The following HDAC9 variants were observed in gnomAD, a reference collection of about 807,000 sequenced individuals.
The protein encoded by HDAC9 is MEF-2 interacting transcription repressor (MITR) protein.
Under a neutral mutation model 139.4 loss-of-function variants are expected in HDAC9, and 41 were observed. The ratio of observed to expected loss-of-function variants is 0.29; its 90% CI spans 0.23 to 0.38. The LOEUF (loss-of-function observed/expected upper bound fraction) is 0.38, where lower values mean the gene tolerates loss of function less well. HDAC9 is among the 10% of genes least tolerant of loss of function. The pLI, the probability that HDAC9 is intolerant of heterozygous loss-of-function variation, is 1.00. For missense variants in HDAC9, 1,147 were observed against 1,297.0 expected, an observed-to-expected ratio of 0.88 and a Z score of 1.78; for synonymous variants, 517 against 476.2, an observed-to-expected ratio of 1.09 and a Z score of -1.12.
In HDAC9 at chr7:18,294,361, C is replaced by G. The variant is rs986428851; in HGVS notation, c.-42+3846C>G. Among the ~76,000 whole-genome samples the G allele has an allele frequency of 6.6e-5, 10 of 151,966 alleles. 1 individual carries two copies. Among genetic ancestry groups the G allele is most frequent in the African/African-American group, 2.2e-4 (9 of 41,362 alleles). ...TCTTCACCTGTAAAATGATACTGAG[C>G]TGCTAGGGGTGTTGTATTAATTTAA... On this transcript the variant is annotated intron_variant, in intron 1 of 3. Coordinates refer to the HDAC9 transcript ENST00000413509.
intron 12 of HDAC9, among the ~76,000 whole-genome samples, chr7:18,677,449 C>A (rs1298387052): frequency 6.6e-6 from 1 of 151,794 alleles, no homozygotes; most frequent in African/African-American, 2.4e-5. Flanking sequence ...CCATGAATAT[C>A]TTAAACAAGT....
At position 18,749,017 on chromosome 7, in the gene HDAC9, A is replaced by G; in HGVS notation, c.1922A>G (p.Asp641Gly). 3 of 1,613,408 alleles carry G rather than the reference A, an allele frequency of 1.9e-6. No homozygotes were observed. The highest frequency in any genetic ancestry group is 2.5e-6 in the Non-Finnish European group (3 of 1,179,636). The change falls in exon 14 of 26, where the codon GAC becomes GGC. Residue 641 changes from aspartate to glycine, a missense_variant. By Grantham distance (94) the Asp-to-Gly change is moderately conservative (BLOSUM62 -1). Coordinates refer to ENST00000686413, the MANE Select transcript of HDAC9 (RefSeq NM_178425.4). The part of the protein sequence containing the change: ...QPGSATGIAY[D>G]PLMLKHQCVC... ...CCTTGTCTTAAAGGAATTGCCTATG[A>G]CCCCTTGATGCTGAAACACCAGTGC...
At chr7:18,618,334 GA>G (rs1839240787) in intron 6 of HDAC9, among the ~76,000 whole-genome samples, 1 of 152,068 alleles carries the variant, frequency 6.6e-6, no homozygotes, top group Non-Finnish European at 1.5e-5. Flanking sequence ...GTCAAGACTG[GA>G]AAACAACTCC....
intron 2 of HDAC9, among the ~76,000 whole-genome samples, chr7:18,539,758 C>T (rs570256794): frequency 4.6e-5 from 7 of 151,790 alleles, no homozygotes; most frequent in East Asian, 1.9e-4. Flanking sequence ...GGTTAGGGTA[C>T]GGGGAGCATA....
intron 1 of HDAC9, among the ~76,000 whole-genome samples, chr7:18,345,535 A>T: frequency 6.6e-6 from 1 of 151,662 alleles, no homozygotes; most frequent in Middle Eastern, 3.4e-3. Context: ...TTGTGTTCTC[A>T]TAAGACACTT....
chr7:18,952,818 T>TC (rs1486506807), intron 23 of HDAC9, among the ~76,000 whole-genome samples: 1 of 49,442 alleles, frequency 2.0e-5, no homozygotes, highest in Admixed American at 1.8e-4. Flanking sequence ...GGTGGTGATG[T>TC]TTTTTTTTTT....
At chr7:18,358,765 T>A (rs2128685672) in intron 1 of HDAC9, among the ~76,000 whole-genome samples, 1 of 152,358 alleles carries the variant, frequency 6.6e-6, no homozygotes, top group African/African-American at 2.4e-5. Context: ...ATTTGATTCC[T>A]GGCTTTACCA....
At chr7:18,262,780 A>G (rs567081748) in intron 2 of HDAC9, among the ~76,000 whole-genome samples, 4 of 152,294 alleles carry the variant, frequency 2.6e-5, no homozygotes, top group Non-Finnish European at 4.4e-5. Context: ...ATTGAAATTA[A>G]CTTGGTATTA....
intron 6 of HDAC9, among the ~76,000 whole-genome samples, chr7:18,598,510 G>A (rs1833067957): frequency 6.6e-6 from 1 of 152,014 alleles, no homozygotes; most frequent in Admixed American, 6.6e-5. Context: ...ACCTCTCTAG[G>A]CCACGATTCC....
At chr7:18,350,693 C>G (rs1378675676) in intron 1 of HDAC9, among the ~76,000 whole-genome samples, 1 of 152,138 alleles carries the variant, frequency 6.6e-6, no homozygotes, top group Non-Finnish European at 1.5e-5. Context: ...ATCCACTTTT[C>G]CCAGAAATAA....
chr7:18,093,609 A>T (rs950777471), intron 1 of HDAC9, among the ~76,000 whole-genome samples: 2 of 152,178 alleles, frequency 1.3e-5, no homozygotes, highest in African/African-American at 4.8e-5. Context: ...ATTTTGGTTA[A>T]AATCAAAAGC....
At chr7:18,271,951 T>G (rs568072179) in intron 2 of HDAC9, among the ~76,000 whole-genome samples, 2 of 152,286 alleles carry the variant, frequency 1.3e-5, no homozygotes, top group African/African-American at 4.8e-5. Context: ...TCCAACATCT[T>G]TGAGAGGAAA....
At chr7:18,481,892 GGTT>G (rs1182982960) in intron 1 of HDAC9, among the ~76,000 whole-genome samples, 1 of 152,116 alleles carries the variant, frequency 6.6e-6, no homozygotes, top group Non-Finnish European at 1.5e-5. Flanking sequence ...ACTTTTGTCT[GGTT>G]GTTACTTCCT....
At chr7:18,818,166 TA>T (rs1257998584) in intron 17 of HDAC9, among the ~76,000 whole-genome samples, 5 of 152,238 alleles carry the variant, frequency 3.3e-5, no homozygotes, top group Non-Finnish European at 7.3e-5. Flanking sequence ...TTGCTTTTGA[TA>T]AATATTATTT....
chr7:18,405,029 G>A (rs182209743), intron 1 of HDAC9, among the ~76,000 whole-genome samples: 5 of 152,262 alleles, frequency 3.3e-5, no homozygotes, highest in Admixed American at 1.3e-4. Context: ...CCAATTCACC[G>A]AACATGTGCA....
At chr7:18,772,949 A>C (rs1790444013) in intron 16 of HDAC9, among the ~76,000 whole-genome samples, 1 of 152,110 alleles carries the variant, frequency 6.6e-6, no homozygotes, top group South Asian at 2.1e-4. Context: ...GTGTATACTC[A>C]ATAATAGTTG....
intron 1 of HDAC9, among the ~76,000 whole-genome samples, chr7:18,486,508 T>C (rs1238474331): frequency 6.6e-6 from 1 of 152,086 alleles, no homozygotes; most frequent in Non-Finnish European, 1.5e-5. Context: ...TCAGAGTGTC[T>C]CATCAATGTG....
intron 21 of HDAC9, among the ~76,000 whole-genome samples, chr7:18,837,972 G>A (rs1358999539): frequency 2.0e-5 from 3 of 152,076 alleles, no homozygotes; most frequent in African/African-American, 7.2e-5. Context: ...AGTTTCATTA[G>A]AGAAGTGGCA....
upstream of HDAC9, among the ~76,000 whole-genome samples, chr7:18,286,130 G>C (rs551468757): frequency 6.6e-6 from 1 of 152,118 alleles, no homozygotes; most frequent in East Asian, 1.9e-4. Context: ...GAATTGAAAT[G>C]AATAAACTTG....
Sources: gnomAD v4.1 joint callset for allele counts (sites outside exome capture counted in the v4.1 genomes callset) on GRCh38, gnomAD v4.1.1 for gene constraint, MANE v1.5 for transcripts, NCBI Gene and HGNC (gene_info 2026-07-23, HGNC 2026-07-21) for gene names.